The following FBN2 variants were observed in gnomAD, a reference collection of about 807,000 sequenced individuals.
FBN2 encodes the protein fibrillin 2, also known as fibrillin-2.
A neutral mutation model predicts 355.6 loss-of-function variants in FBN2; 105 were observed. The observed-to-expected ratio is 0.30, with a 90% confidence interval of 0.25 to 0.35. The LOEUF is 0.35. Among genes scored for constraint, FBN2 ranks in the 10% least tolerant of loss-of-function variants. The pLI, the probability that FBN2 is intolerant of heterozygous loss-of-function variation, is 1.00. For missense variants in FBN2, 3,280 were observed against 3,758.7 expected (o/e 0.87, Z 3.33); for synonymous variants, 1,350 against 1,301.2 (o/e 1.04, Z -0.81).
chr5:128,514,699 T>C (rs1268433407), intron 5 of FBN2, among the ~76,000 whole-genome samples: 3 of 152,202 alleles, frequency 2.0e-5, no homozygotes, highest in Non-Finnish European at 4.4e-5. Context: ...CTTGTCCTTT[T>C]GTGTTATTAC....
In FBN2 at chr5:128,302,110, C is replaced by G. The variant is rs372737957; in HGVS notation, c.5918-600G>C. Among the ~76,000 whole-genome samples the G allele has an allele frequency of 1.3e-5, 2 of 152,148 alleles. 1 individual carries two copies. The highest frequency in any genetic ancestry group is 4.1e-4 in the South Asian group (2 of 4,832). On this transcript the variant is annotated intron_variant, in intron 46 of 64. Coordinates refer to ENST00000262464, the MANE Select transcript of FBN2 (RefSeq NM_001999.4). ...GCAGTTGAATAAAATGTCCAATTAG[C>G]TCTACTTTTTTTCACAATTGTGGAA...
At chr5:128,419,047 T>C (rs1753277819) in intron 7 of FBN2, among the ~76,000 whole-genome samples, 1 of 152,208 alleles carries the variant, frequency 6.6e-6, no homozygotes, top group Non-Finnish European at 1.5e-5. Flanking sequence ...AGTGTACAAA[T>C]CTATCACCTA....
chr5:128,326,523 A>C (rs1750551778), intron 34 of FBN2, among the ~76,000 whole-genome samples: 2 of 152,198 alleles, frequency 1.3e-5, no homozygotes, highest in African/African-American at 2.4e-5. Context: ...TTCTATAGAA[A>C]TTCTGAGACT....
intron 7 of FBN2, among the ~76,000 whole-genome samples, chr5:128,428,443 C>G (rs1753536767): frequency 6.6e-6 from 1 of 152,168 alleles, no homozygotes. Context: ...TCCAGTCACA[C>G]TGGACTCCTA....
chr5:128,305,265 C>A (rs1299281868), intron 44 of FBN2, among the ~76,000 whole-genome samples, 183 bp from the exon 45 acceptor site: 1 of 151,950 alleles, frequency 6.6e-6, no homozygotes, highest in African/African-American at 2.4e-5. Flanking sequence ...TTTAATCATG[C>A]AAATTTTTTT....
chr5:128,358,304 C>T (rs78736765), intron 19 of FBN2, among the ~76,000 whole-genome samples: 20,717 of 152,044 alleles, frequency 0.14, 1,783 homozygotes, highest in Middle Eastern at 0.33. Flanking sequence ...AGAAGTGGCA[C>T]ACAGTTTTCC....
chr5:128,300,792 G>A (rs759806599), intron 48 of FBN2, 25 bp downstream of exon 48: 263 of 1,611,796 alleles, frequency 1.6e-4, no homozygotes, highest in Non-Finnish European at 2.2e-4. Context: ...CTACTAGTGG[G>A]CCTCAGAATA....
intron 6 of FBN2, among the ~76,000 whole-genome samples, chr5:128,447,063 T>C (rs1754084627): frequency 6.6e-6 from 1 of 152,232 alleles, no homozygotes; most frequent in African/African-American, 2.4e-5. Flanking sequence ...TGATTTCCTA[T>C]GTCTGTCTTT....
chr5:128,477,280 C>A (rs1026222723), intron 5 of FBN2, among the ~76,000 whole-genome samples: 1 of 152,138 alleles, frequency 6.6e-6, no homozygotes, highest in Non-Finnish European at 1.5e-5. Flanking sequence ...CCAGAAAGTT[C>A]TTTCAATGCA....
intron 5 of FBN2, among the ~76,000 whole-genome samples, chr5:128,518,397 C>T (rs1337927813): frequency 6.6e-6 from 1 of 152,104 alleles, no homozygotes; most frequent in Non-Finnish European, 1.5e-5. Context: ...ATGCGGGATG[C>T]CTACCCAGCA....
chr5:128,303,379 C>T (rs1749773859), intron 45 of FBN2, among the ~76,000 whole-genome samples: 1 of 152,128 alleles, frequency 6.6e-6, no homozygotes, highest in Non-Finnish European at 1.5e-5. Flanking sequence ...TATTAATGAG[C>T]AGGTCTGCTT....
Position 128,434,948 on chromosome 5 carries a change from A to T in FBN2, c.952+11533T>A, listed in dbSNP as rs143322358. The stretch of plus-strand genomic sequence containing the variant: ...GAGAAAGATGTCTTGGAGGCTCTCA[A>T]TTTTTCCAGTCATCTTTAGCAGACA... On this transcript the variant is annotated intron_variant, in intron 7 of 64. Coordinates refer to ENST00000262464, the MANE Select transcript of FBN2 (RefSeq NM_001999.4). Among the ~76,000 whole-genome samples, 116 of 152,136 alleles carry T rather than the reference A, an allele frequency of 7.6e-4. 1 individual carries two copies. The highest frequency in any genetic ancestry group is 2.8e-3 in the African/African-American group (115 of 41,526).
chr5:128,313,864 A>AC (rs931963709), intron 36 of FBN2, among the ~76,000 whole-genome samples: 4 of 151,174 alleles, frequency 2.6e-5, no homozygotes, highest in African/African-American at 7.3e-5. Context: ...AAAAAAAAAA[A>AC]AAAAAAAAAA....
At position 128,272,128 on chromosome 5, in the gene FBN2, C is replaced by T. The variant is rs1765282430; in HGVS notation, c.7841-10G>A. On this transcript the variant is annotated splice_polypyrimidine_tract_variant and intron_variant, in intron 61 of 64. Coordinates refer to ENST00000262464, the MANE Select transcript of FBN2 (RefSeq NM_001999.4). ...TCACATTCATCAACATCTGCAAAAACAAGCCCGGCAAAACCTTTATGTCAC... is the reference window on the plus strand; with the variant it reads ...TCACATTCATCAACATCTGCAAAAATAAGCCCGGCAAAACCTTTATGTCAC... 2.5e-6 allele frequency: 4 copies of T among 1,613,920 alleles called. No individual in the cohort carries two copies. Among genetic ancestry groups the T allele is most frequent in the East Asian group, 4.5e-5 (2 of 44,850 alleles).
At chr5:128,440,499 A>C (rs1753891454) in intron 7 of FBN2, among the ~76,000 whole-genome samples, 1 of 152,054 alleles carries the variant, frequency 6.6e-6, no homozygotes, top group African/African-American at 2.4e-5. Context: ...AAACAACCAG[A>C]TCTCATGAGA....
At chr5:128,384,664 C>A (rs1388668091) in intron 11 of FBN2, among the ~76,000 whole-genome samples, 1 of 152,002 alleles carries the variant, frequency 6.6e-6, no homozygotes, top group Non-Finnish European at 1.5e-5. Context: ...GAAATAAGTG[C>A]TTAGAATGCC....
intron 34 of FBN2, among the ~76,000 whole-genome samples, chr5:128,324,828 C>G (rs1277689907): frequency 2.0e-5 from 3 of 152,018 alleles, no homozygotes; most frequent in African/African-American, 7.2e-5. Flanking sequence ...GCCATGTTAG[C>G]CAGTATGATC....
chr5:128,448,351 C>A (rs554313814), intron 6 of FBN2, among the ~76,000 whole-genome samples: 2 of 151,692 alleles, frequency 1.3e-5, no homozygotes, highest in South Asian at 2.1e-4. Flanking sequence ...GTTGCCCAGG[C>A]TGGAGTGTGC....
At chr5:128,308,413 T>G (rs972311708) in intron 41 of FBN2, among the ~76,000 whole-genome samples, 2 of 152,200 alleles carry the variant, frequency 1.3e-5, no homozygotes, top group Non-Finnish European at 2.9e-5. Flanking sequence ...AAGGCCTATG[T>G]GTTGCTTTTC....
Sources: allele counts gnomAD v4.1 joint callset (sites outside exome capture counted in the v4.1 genomes callset), GRCh38; gene constraint gnomAD v4.1.1; transcripts MANE v1.5; gene names NCBI Gene and HGNC (gene_info 2026-07-23, HGNC 2026-07-21).